The following RAPGEF1 variants were observed in gnomAD, a reference collection of about 807,000 sequenced individuals.
The protein encoded by RAPGEF1 is Rap guanine nucleotide exchange factor 1.
Under a neutral mutation model 143.3 loss-of-function variants are expected in RAPGEF1, and 33 were observed. That is an observed-to-expected ratio of 0.23 (90% CI 0.17 to 0.31). RAPGEF1 has a LOEUF of 0.31. Among genes scored for constraint, RAPGEF1 ranks in the 10% least tolerant of loss-of-function variants. The pLI, the probability that RAPGEF1 is intolerant of heterozygous loss-of-function variation, is 1.00. For synonymous variants in RAPGEF1, 629 were observed against 676.5 expected (o/e 0.93, Z 1.09); for missense variants, 1,199 against 1,645.4 (o/e 0.73, Z 4.69).
At chr9:131,664,623 A>G (rs536278525) in intron 1 of RAPGEF1, among the ~76,000 whole-genome samples, 1 of 152,300 alleles carries the variant, frequency 6.6e-6, no homozygotes, top group Non-Finnish European at 1.5e-5. Flanking sequence ...AATAAACACA[A>G]AATTTCTTCA....
At chr9:131,661,199 C>T (rs1564646679) in intron 1 of RAPGEF1, among the ~76,000 whole-genome samples, 1 of 152,212 alleles carries the variant, frequency 6.6e-6, no homozygotes, top group Non-Finnish European at 1.5e-5. Flanking sequence ...CAGAATATCA[C>T]AGCAGTGCTC....
At chr9:131,589,088 A>T (rs2132245085) in intron 19 of RAPGEF1, 102 bp from the exon 20 acceptor site, 2 of 1,150,382 alleles carry the variant, frequency 1.7e-6, no homozygotes, top group East Asian at 4.9e-5. Context: ...TGTGACCGGC[A>T]CAGAGCTGGC....
intron 1 of RAPGEF1, among the ~76,000 whole-genome samples, chr9:131,652,723 T>C (rs1490010094): frequency 5.3e-5 from 8 of 152,162 alleles, no homozygotes; most frequent in African/African-American, 1.9e-4. Context: ...TTATAACACC[T>C]CCTGAAGGAT....
chr9:131,632,999 C>A (rs968000934), intron 5 of RAPGEF1, among the ~76,000 whole-genome samples: 6 of 152,224 alleles, frequency 3.9e-5, no homozygotes, highest in Non-Finnish European at 4.4e-5. Context: ...TGAGCCACCA[C>A]GCTCAGCCAG....
intron 12 of RAPGEF1, among the ~76,000 whole-genome samples, chr9:131,615,620 A>C (rs1220646266): frequency 1.3e-5 from 2 of 152,002 alleles, no homozygotes; most frequent in Non-Finnish European, 2.9e-5. Context: ...TTCTGGGGAG[A>C]CGGGAGGGCT....
intron 12 of RAPGEF1, 96 bp downstream of exon 12, chr9:131,618,955 C>T (rs1386779848): frequency 3.9e-5 from 44 of 1,125,214 alleles, no homozygotes; most frequent in South Asian, 3.3e-4. Context: ...GGGCAGGGGC[C>T]GCGACGGGCA....
At chr9:131,661,807 G>C (rs1362184881) in intron 1 of RAPGEF1, among the ~76,000 whole-genome samples, 1 of 152,166 alleles carries the variant, frequency 6.6e-6, no homozygotes, top group African/African-American at 2.4e-5. Context: ...CTCAGGAAGA[G>C]CCTGTGAATA....
intron 1 of RAPGEF1, among the ~76,000 whole-genome samples, chr9:131,679,590 T>C (rs984962442): frequency 1.3e-5 from 2 of 152,198 alleles, no homozygotes; most frequent in African/African-American, 4.8e-5. Flanking sequence ...ACTTAGTGGC[T>C]TCCAACACAC....
chr9:131,715,595 C>T (rs914160886), intron 1 of RAPGEF1, among the ~76,000 whole-genome samples: 1 of 151,996 alleles, frequency 6.6e-6, no homozygotes, highest in Admixed American at 6.6e-5. Flanking sequence ...CACGGTGGCT[C>T]ACGTCTGTAC....
chr9:131,682,454 G>A (rs1027556243), intron 1 of RAPGEF1, among the ~76,000 whole-genome samples: 4 of 152,204 alleles, frequency 2.6e-5, no homozygotes, highest in East Asian at 3.9e-4. Context: ...GGGAACCTCC[G>A]CAAAAGGTTC....
intron 12 of RAPGEF1, among the ~76,000 whole-genome samples, chr9:131,614,593 G>A (rs1159286099): frequency 6.6e-6 from 1 of 152,246 alleles, no homozygotes; most frequent in Non-Finnish European, 1.5e-5. Flanking sequence ...GAAGGAGCCT[G>A]CAACAGGTCC....
At chr9:131,609,903 C>T (rs1432958221) in intron 12 of RAPGEF1, among the ~76,000 whole-genome samples, 5 of 152,108 alleles carry the variant, frequency 3.3e-5, no homozygotes, top group Non-Finnish European at 7.4e-5. Context: ...CTTTTTCTTC[C>T]TTTCTTTTTT....
chr9:131,587,183 A>C (rs866625609), intron 22 of RAPGEF1, among the ~76,000 whole-genome samples: 3 of 64,472 alleles, frequency 4.7e-5, no homozygotes, highest in Admixed American at 1.5e-4. Context: ...CTCCGTCTCA[A>C]ACACACACAC....
In RAPGEF1 at chr9:131,583,947, T is replaced by C. The variant is rs1472938104; in HGVS notation, c.3414+364A>G. 6.6e-6 allele frequency among the ~76,000 whole-genome samples: 1 copy of C among 152,252 alleles called. No homozygotes were observed. The highest frequency in any genetic ancestry group is 1.5e-5 in the Non-Finnish European group (1 of 68,044). On this transcript the variant is annotated intron_variant, in intron 24 of 26. Transcript: ENST00000683357. The surrounding 1 kb of genome is among the most constrained non-coding windows in gnomAD (Gnocchi z 4.7). Reference sequence around the variant, plus strand: ...AAACTCACCCAACATCATGTTGGGCTGTTCACAGTGCGTCCCCAGCACCTA... The same window carrying C: ...AAACTCACCCAACATCATGTTGGGCCGTTCACAGTGCGTCCCCAGCACCTA...
At chr9:131,702,357 T>C (rs887641886) in intron 1 of RAPGEF1, among the ~76,000 whole-genome samples, 7 of 152,210 alleles carry the variant, frequency 4.6e-5, no homozygotes, top group African/African-American at 1.7e-4. Flanking sequence ...CTCCTTTCTA[T>C]GAAACTCAGC....
intron 1 of RAPGEF1, among the ~76,000 whole-genome samples, chr9:131,718,497 G>A (rs1836024281): frequency 1.3e-5 from 2 of 152,172 alleles, no homozygotes; most frequent in South Asian, 2.1e-4. Context: ...GAGAAACGGC[G>A]GTGGCCTGGA....
chr9:131,645,079 A>G (rs1256699914), intron 3 of RAPGEF1, among the ~76,000 whole-genome samples: 1 of 151,968 alleles, frequency 6.6e-6, no homozygotes, highest in African/African-American at 2.4e-5. Flanking sequence ...TCTTTTCACT[A>G]CCTGACAGAT....
intron 1 of RAPGEF1, among the ~76,000 whole-genome samples, chr9:131,666,387 AT>A (rs111587610): frequency 3.7e-4 from 55 of 147,776 alleles, no homozygotes; most frequent in Non-Finnish European, 4.1e-4. Context: ...TTAAAACAAA[AT>A]TTTTTTTTTT....
At chr9:131,657,992 A>C (rs1008134579) in intron 1 of RAPGEF1, among the ~76,000 whole-genome samples, 14 of 152,200 alleles carry the variant, frequency 9.2e-5, no homozygotes, top group Non-Finnish European at 1.9e-4. Flanking sequence ...TTTCGTTTTC[A>C]ATGCTGAGAA....
Sources: gnomAD v4.1 joint callset for allele counts (sites outside exome capture counted in the v4.1 genomes callset) on GRCh38, gnomAD v4.1.1 for gene constraint, Gnocchi (gnomAD v3.1) non-coding constraint, MANE v1.5 for transcripts, NCBI Gene and HGNC (gene_info 2026-07-23, HGNC 2026-07-21) for gene names.